Variants in PCDH17 observed in about 807,000 individuals in gnomAD.
PCDH17 encodes the protein protocadherin 17, also known as protocadherin-17.
Under a neutral mutation model 67.7 loss-of-function variants are expected in PCDH17, and 21 were observed. The ratio of observed to expected loss-of-function variants is 0.31; its 90% CI spans 0.22 to 0.45. The LOEUF (loss-of-function observed/expected upper bound fraction) is 0.45. Ranked by LOEUF, PCDH17 falls within the 20% of genes least tolerant of loss-of-function variation. The pLI, the probability that PCDH17 is intolerant of heterozygous loss-of-function variation, is 1.00. For missense variants in PCDH17, 1,471 were observed against 1,564.8 expected (o/e 0.94, Z 1.01); for synonymous variants, 701 against 656.7 (o/e 1.07, Z -1.03).
At chr13:57,707,842 G>C (rs1955735460) in intron 3 of PCDH17, among the ~76,000 whole-genome samples, 1 of 152,092 alleles carries the variant, frequency 6.6e-6, no homozygotes, top group East Asian at 1.9e-4. Context: ...CTATGTGACT[G>C]TCTCTGTGTC....
At chr13:57,644,707 G>A (rs1211360462) in intron 1 of PCDH17, among the ~76,000 whole-genome samples, 1 of 151,514 alleles carries the variant, frequency 6.6e-6, no homozygotes, top group African/African-American at 2.4e-5. Flanking sequence ...GTTTTGCTCT[G>A]GTTAAAGGTT....
At chr13:57,701,926 G>T (rs1176807727) in intron 3 of PCDH17, among the ~76,000 whole-genome samples, 1 of 151,948 alleles carries the variant, frequency 6.6e-6, no homozygotes, top group South Asian at 2.1e-4. Flanking sequence ...TAACTGTACG[G>T]GTTTTTTTTT....
intron 3 of PCDH17, among the ~76,000 whole-genome samples, chr13:57,707,388 T>A (rs563741427): frequency 6.6e-6 from 1 of 150,420 alleles, no homozygotes; most frequent in South Asian, 2.1e-4. Flanking sequence ...ATAAAAGCTT[T>A]ATCTGTAGAT....
At chr13:57,644,812 A>T (rs1010525394) in intron 1 of PCDH17, among the ~76,000 whole-genome samples, 4 of 151,784 alleles carry the variant, frequency 2.6e-5, no homozygotes, top group Non-Finnish European at 5.9e-5. Context: ...GTAATGTCTC[A>T]GGAAAGGAGC....
At chr13:57,715,763 T>C in intron 3 of PCDH17, among the ~76,000 whole-genome samples, 1 of 152,034 alleles carries the variant, frequency 6.6e-6, no homozygotes, top group East Asian at 1.9e-4. Flanking sequence ...CGAATCTCTT[T>C]TGTTCCAGAC....
intron 1 of PCDH17, among the ~76,000 whole-genome samples, chr13:57,652,987 C>A (rs1375322247): frequency 6.6e-6 from 1 of 152,116 alleles, no homozygotes; most frequent in African/African-American, 2.4e-5. Context: ...ATGCTGTGAC[C>A]TATGTATAAC....
At chr13:57,645,322 T>C (rs1309022041) in intron 1 of PCDH17, among the ~76,000 whole-genome samples, 5 of 151,690 alleles carry the variant, frequency 3.3e-5, no homozygotes, top group Non-Finnish European at 4.4e-5. Flanking sequence ...GTTTCTGACA[T>C]GTAGTATACA....
intron 1 of PCDH17, among the ~76,000 whole-genome samples, chr13:57,643,772 A>C (rs573674555): frequency 4.8e-4 from 73 of 151,756 alleles, no homozygotes; most frequent in African/African-American, 1.7e-3. Flanking sequence ...TGATTGTTTT[A>C]ATTATTATTT....
intron 1 of PCDH17, among the ~76,000 whole-genome samples, chr13:57,651,295 G>A (rs1955034164): frequency 6.6e-6 from 1 of 150,808 alleles, no homozygotes; most frequent in African/African-American, 2.4e-5. Context: ...TGGAATTCTA[G>A]GCCAATCAAT....
chr13:57,694,681 T>G (rs1955590135), intron 3 of PCDH17, among the ~76,000 whole-genome samples: 1 of 151,360 alleles, frequency 6.6e-6, no homozygotes, highest in South Asian at 2.1e-4. Context: ...TGAAGTCCTT[T>G]TACTTGAGGT....
chr13:57,672,251 C>T (rs1955332037), intron 3 of PCDH17, among the ~76,000 whole-genome samples: 1 of 151,992 alleles, frequency 6.6e-6, no homozygotes, highest in South Asian at 2.1e-4. Context: ...GAAAGTAAAG[C>T]TAATAAATAT....
At chr13:57,684,383 A>G (rs1239795033) in intron 3 of PCDH17, among the ~76,000 whole-genome samples, 1 of 152,050 alleles carries the variant, frequency 6.6e-6, no homozygotes, top group Admixed American at 6.6e-5. Context: ...GTTTAATGGC[A>G]TAAGCTTTTT....
In PCDH17 at chr13:57,725,574, AAGG is replaced by A. The variant is rs1367190342; in HGVS notation, c.*285_*287del. 1.2e-5 allele frequency: 4 copies of A among 341,182 alleles called. No individual in the cohort carries two copies. The East Asian group carries it at 1.6e-4, about 14-fold the overall frequency. 21.1% of individuals were successfully genotyped at this position (341,182 alleles called of 1,614,324 possible). A position where few individuals can be genotyped will look rare whatever the true frequency, so the allele number is the denominator to read the frequency against. Reference sequence around the variant, plus strand: ...GAGAGAAGAAAAAGGAGAGATGAAAAAGGAGGATGAGGAGAAGAATTACCTTTT... The same window carrying A: ...GAGAGAAGAAAAAGGAGAGATGAAAAAGGATGAGGAGAAGAATTACCTTTT... On this transcript the variant is annotated 3_prime_UTR_variant, in exon 4 of 4. Coordinates refer to ENST00000377918, the MANE Select transcript of PCDH17 (RefSeq NM_001040429.3).
chr13:57,656,823 G>A (rs1442907083), intron 1 of PCDH17, among the ~76,000 whole-genome samples: 1 of 152,126 alleles, frequency 6.6e-6, no homozygotes, highest in Non-Finnish European at 1.5e-5. Flanking sequence ...AAGAGAATGG[G>A]TGATTTGAGG....
rs74974659 is a variant in PCDH17 at position 57,714,704 on chromosome 13, G to A, written c.2798-9908G>A. On this transcript the variant is annotated intron_variant, in intron 3 of 3. Coordinates refer to ENST00000377918, the MANE Select transcript of PCDH17 (RefSeq NM_001040429.3). ...CACTGCATATAAATCAGGTTCTTTC[G>A]GAAATTGCATTAACTCTTTCAAGAC... Among the ~76,000 whole-genome samples the A allele has an allele frequency of 4.1e-3, 615 of 151,736 alleles. 7 individuals carry two copies. Among genetic ancestry groups the A allele is most frequent in the East Asian group, 0.019 (98 of 5,148 alleles).
rs927123368 is a variant in PCDH17 at position 57,663,149 on chromosome 13, A to G, written c.2566-3319A>G. 1.1e-4 allele frequency among the ~76,000 whole-genome samples: 17 copies of G among 152,068 alleles called. 1 individual carries two copies. The highest frequency in any genetic ancestry group is 3.9e-4 in the African/African-American group (16 of 41,430). On this transcript the variant is annotated intron_variant, in intron 1 of 3. Transcript: ENST00000377918. ...AAAACATTTATGTAGCTACCCACCA[A>G]TTGTAGGTACATGTGATATTTTTAA...
chr13:57,633,049 C>G lies in PCDH17; in HGVS notation c.503C>G (p.Thr168Ser). The G allele has an allele frequency of 3.1e-6, 5 of 1,613,144 alleles. No individual in the cohort carries two copies. Among genetic ancestry groups the G allele is most frequent in the Non-Finnish European group, 4.2e-6 (5 of 1,179,998 alleles). Residue 168 changes from threonine (T) to serine (S), a missense_variant, in exon 1 of 4, where the codon ACC becomes AGC. Transcript: ENST00000377918. The surrounding 1 kb of genome is among the most constrained non-coding windows in gnomAD (Gnocchi z 6.2). ...GACGCCGGCGAGAATGGGCTCCGCA[C>G]CTACCTGCTCACGCGCGACGATCAC... ...DPDAGENGLR[T>S]YLLTRDDHGL...
intron 3 of PCDH17, among the ~76,000 whole-genome samples, chr13:57,700,688 A>G (rs959859366): frequency 1.3e-5 from 2 of 152,030 alleles, no homozygotes; most frequent in African/African-American, 4.8e-5. Context: ...AATTATGTTG[A>G]TATTGTCCAA....
intron 3 of PCDH17, among the ~76,000 whole-genome samples, chr13:57,721,135 T>C (rs1253433019): frequency 1.3e-5 from 2 of 152,108 alleles, no homozygotes; most frequent in African/African-American, 2.4e-5. Flanking sequence ...CTTTCTGCAA[T>C]ATAAACATGC....
Sources: allele counts gnomAD v4.1 joint callset (sites outside exome capture counted in the v4.1 genomes callset), GRCh38; gene constraint gnomAD v4.1.1; non-coding constraint Gnocchi (gnomAD v3.1); transcripts MANE v1.5; gene names NCBI Gene and HGNC (gene_info 2026-07-23, HGNC 2026-07-21).